SBF2: variants seen among roughly 807,000 people sequenced by gnomAD.
The protein encoded by SBF2 is SET binding factor 2, also known as myotubularin-related protein 13.
A neutral mutation model predicts 225.2 loss-of-function variants in SBF2; 112 were observed. That is an observed-to-expected ratio of 0.50 (90% CI 0.43 to 0.58). The LOEUF (loss-of-function observed/expected upper bound fraction) is 0.58. Among genes scored for constraint, SBF2 ranks in the 20% least tolerant of loss-of-function variants. The probability of loss-of-function intolerance (pLI) is 0.00; values close to 1 mark genes in which losing one functional copy is unlikely to be tolerated. For synonymous variants in SBF2, 763 were observed against 773.3 expected (o/e 0.99, Z 0.22); for missense variants, 1,996 against 2,206.2 (o/e 0.90, Z 1.91).
At chr11:9,827,916 T>A (rs1284251048) in intron 28 of SBF2, among the ~76,000 whole-genome samples, 1 of 152,190 alleles carries the variant, frequency 6.6e-6, no homozygotes, top group East Asian at 1.9e-4. Context: ...TATCAATATA[T>A]ATGACATCAG....
intron 32 of SBF2, among the ~76,000 whole-genome samples, chr11:9,805,646 G>A (rs757477395): frequency 4.6e-5 from 7 of 151,772 alleles, no homozygotes; most frequent in Non-Finnish European, 7.4e-5. Flanking sequence ...CCCCCAAGAC[G>A]GAGCCTCGCT....
chr11:10,290,439 G>A (rs1242120519), intron 1 of SBF2, among the ~76,000 whole-genome samples: 6 of 152,088 alleles, frequency 3.9e-5, no homozygotes, highest in Admixed American at 6.6e-5. Flanking sequence ...TGTGTCCACC[G>A]ACAGTGGGGA....
intron 1 of SBF2, among the ~76,000 whole-genome samples, chr11:10,260,702 C>CAA (rs56816687): frequency 2.8e-4 from 17 of 60,776 alleles, no homozygotes; most frequent in Admixed American, 5.5e-4. Flanking sequence ...GATTCCATCT[C>CAA]AAAAAAAAAA....
rs553221521 is a variant in SBF2, at chr11:10,150,521, A to G, written c.141+43381T>C. 3.9e-5 allele frequency among the ~76,000 whole-genome samples: 6 copies of G among 152,280 alleles called. No homozygotes were observed. The East Asian group carries it at 1.2e-3, about 29-fold the overall frequency. On this transcript the variant is annotated intron_variant, in intron 2 of 39. Transcript: ENST00000256190. ...GGAAATATAATAATTTAATATTTAA[A>G]TTTACTTTGAAATGTTTTAAAATCT...
At chr11:10,171,685 A>AT (rs1956194030) in intron 2 of SBF2, among the ~76,000 whole-genome samples, 2 of 152,052 alleles carry the variant, frequency 1.3e-5, no homozygotes, top group Admixed American at 6.6e-5. Context: ...CTCCTCCTCA[A>AT]TTTTTTGGAA....
At chr11:10,020,339 C>A (rs1180750292) in intron 6 of SBF2, among the ~76,000 whole-genome samples, 1 of 152,046 alleles carries the variant, frequency 6.6e-6, no homozygotes, top group African/African-American at 2.4e-5. Context: ...CTCCAGTAAA[C>A]ACACTGCACG....
At chr11:9,880,220 C>T (rs1338526990) in intron 17 of SBF2, among the ~76,000 whole-genome samples, 8 of 150,958 alleles carry the variant, frequency 5.3e-5, no homozygotes. Flanking sequence ...AAGCTAAAAG[C>T]TGGAGGTTGT....
At chr11:10,192,483 T>C (rs918375057) in intron 2 of SBF2, among the ~76,000 whole-genome samples, 6 of 152,170 alleles carry the variant, frequency 3.9e-5, no homozygotes, top group African/African-American at 1.4e-4. Context: ...AACAAGAGAA[T>C]GAACAATTGT....
intron 13 of SBF2, among the ~76,000 whole-genome samples, chr11:9,986,949 C>T (rs1228386205): frequency 6.6e-6 from 1 of 152,082 alleles, no homozygotes; most frequent in Non-Finnish European, 1.5e-5. Flanking sequence ...ACCCTAATAC[C>T]CAAACCAGGA....
intron 8 of SBF2, among the ~76,000 whole-genome samples, chr11:10,000,453 A>T (rs1045397777): frequency 6.6e-6 from 1 of 152,232 alleles, no homozygotes; most frequent in Admixed American, 6.5e-5. Flanking sequence ...TCTTCTATTC[A>T]TATGGCATTA....
intron 6 of SBF2, among the ~76,000 whole-genome samples, chr11:10,018,262 A>C (rs1162065490): frequency 1.3e-5 from 2 of 152,180 alleles, no homozygotes; most frequent in East Asian, 3.9e-4. Context: ...GATATAAAGA[A>C]ATATGAGACA....
At chr11:9,855,829 G>C (rs1857275005) in intron 19 of SBF2, among the ~76,000 whole-genome samples, 1 of 152,236 alleles carries the variant, frequency 6.6e-6, no homozygotes, top group Non-Finnish European at 1.5e-5. Flanking sequence ...TTCTTGGCCT[G>C]TTTAGGTGAG....
chr11:10,133,219 A>C (rs1954161805), intron 2 of SBF2, among the ~76,000 whole-genome samples: 1 of 149,362 alleles, frequency 6.7e-6, no homozygotes, highest in Non-Finnish European at 1.5e-5. Flanking sequence ...TCCCCATCAG[A>C]CTCAGGAGCC....
At chr11:10,261,237 C>A (rs536093237) in intron 1 of SBF2, among the ~76,000 whole-genome samples, 1 of 152,332 alleles carries the variant, frequency 6.6e-6, no homozygotes, top group East Asian at 1.9e-4. Context: ...GTATCTCACT[C>A]TGTCACCCAG....
chr11:10,041,102 T>C (rs773960579), intron 3 of SBF2, among the ~76,000 whole-genome samples: 7 of 151,800 alleles, frequency 4.6e-5, no homozygotes, highest in Non-Finnish European at 7.4e-5. Context: ...TTCCAAAGAG[T>C]TGTGAAGCGA....
At chr11:10,058,308 T>A (rs988355697) in intron 2 of SBF2, among the ~76,000 whole-genome samples, 1 of 152,056 alleles carries the variant, frequency 6.6e-6, no homozygotes, top group African/African-American at 2.4e-5. Flanking sequence ...ATAGCTAGTA[T>A]GAAAAAGAAC....
intron 17 of SBF2, among the ~76,000 whole-genome samples, chr11:9,881,203 GATTA>G (rs1462427599): frequency 4.6e-5 from 7 of 152,210 alleles, no homozygotes; most frequent in Non-Finnish European, 8.8e-5. Context: ...CCGAATGAGT[GATTA>G]AATAAAGTAA....
At chr11:10,235,524 TC>T (rs1304093080) in intron 1 of SBF2, among the ~76,000 whole-genome samples, 1 of 134,210 alleles carries the variant, frequency 7.5e-6, no homozygotes, top group Non-Finnish European at 1.6e-5. Flanking sequence ...CAAGACTCCA[TC>T]TCAAAAAAAA....
At position 10,013,961 on chromosome 11, in the gene SBF2, T is replaced by C. The variant is rs1948550866; in HGVS notation, c.620-11272A>G. On this transcript the variant is annotated intron_variant, in intron 6 of 39. Coordinates refer to ENST00000256190, the MANE Select transcript of SBF2 (RefSeq NM_030962.4). The stretch of plus-strand genomic sequence containing the variant: ...TTCCTAACAGTCTGTAAGTCACTAC[T>C]GTCCTTAATTTTTCTGGTGCTAAAC... Among the ~76,000 whole-genome samples, 3 of 152,348 alleles carry C rather than the reference T, an allele frequency of 2.0e-5. No individual in the cohort carries two copies. In the South Asian group the frequency reaches 6.2e-4, roughly 32 times the overall value.
Sources: allele counts gnomAD v4.1 joint callset (sites outside exome capture counted in the v4.1 genomes callset), GRCh38; gene constraint gnomAD v4.1.1; transcripts MANE v1.5; gene names NCBI Gene and HGNC (gene_info 2026-07-23, HGNC 2026-07-21).